Variants in STXBP2 observed in about 807,000 individuals in gnomAD.
STXBP2 encodes the protein syntaxin-binding protein 2.
In STXBP2, 47 loss-of-function variants were observed where a neutral mutation model predicts 72.2. The ratio of observed to expected loss-of-function variants is 0.65; its 90% CI spans 0.51 to 0.83. The LOEUF (loss-of-function observed/expected upper bound fraction) is 0.83. STXBP2 is among the 40% of genes least tolerant of loss of function. The pLI is 0.00. For synonymous variants in STXBP2, 367 were observed against 338.7 expected (o/e 1.08, Z -0.92); for missense variants, 702 against 807.6 (o/e 0.87, Z 1.58).
At chr19:7,633,434 CG>C (rs752842828), upstream of STXBP2, 22 of 1,576,230 alleles carry the variant, frequency 1.4e-5, no homozygotes. Context: ...AGCCTTCCTC[CG>C]TCTTCTCCTC....
At position 7,646,237 on chromosome 19, in the gene STXBP2, C is replaced by T. The variant is rs761759282; in HGVS notation, c.1357-12C>T. 1.9e-6 allele frequency: 3 copies of T among 1,592,226 alleles called. No individual in the cohort carries two copies. Among genetic ancestry groups the T allele is most frequent in the Non-Finnish European group, 2.6e-6 (3 of 1,170,344 alleles). ...CTCAATCCCCCTGCTGCCCTCCCTG[C>T]CCTGCCTGTAGGGCTCGGGGACCTC... On this transcript the variant is annotated splice_polypyrimidine_tract_variant and intron_variant, in intron 15 of 18. Transcript: ENST00000221283.
chr19:7,640,298 C>G (rs1027041456), intron 4 of STXBP2: 9 of 526,316 alleles, frequency 1.7e-5, no homozygotes, highest in Non-Finnish European at 3.2e-5. Context: ...GTGCATGTGT[C>G]TATGTATGTG....
At chr19:7,630,626 C>G in the STXBP2 span, 1 of 1,537,094 alleles carries the variant, frequency 6.5e-7, no homozygotes, top group Non-Finnish European at 8.7e-7. Context: ...CCAATCAGGC[C>G]GAGTGGTTTG....
Position 7,640,335 on chromosome 19 carries a change from CGT to C in STXBP2, c.247-389_247-388del, listed in dbSNP as rs777558655. On this transcript the variant is annotated intron_variant, in intron 4 of 18. Coordinates refer to ENST00000221283, the MANE Select transcript of STXBP2 (RefSeq NM_006949.4). ...GTGCATCTGTGTGTGCGTGTGTATG[CGT>C]GTGTGTATGCGTCTGTGCATGTGTG... 180 of 457,578 alleles carry C rather than the reference CGT, an allele frequency of 3.9e-4. 1 individual carries two copies. Among genetic ancestry groups the C allele is most frequent in the African/African-American group, 2.4e-3 (73 of 29,860 alleles). 28.3% of individuals were successfully genotyped at this position (457,578 alleles called of 1,614,324 possible).
chr19:7,646,092 T>G (rs2032124705), intron 15 of STXBP2, 157 bp from the exon 16 acceptor site: 3 of 639,580 alleles, frequency 4.7e-6, no homozygotes, highest in African/African-American at 1.8e-5. Context: ...TTTCTCTCTC[T>G]CGCTTTCTTG....
At position 7,642,336 on chromosome 19, in the gene STXBP2, C is replaced by G. The variant is rs2146218160; in HGVS notation, c.794+3C>G. The G allele has an allele frequency of 1.2e-6, 2 of 1,613,914 alleles. No individual in the cohort carries two copies. Among genetic ancestry groups the G allele is most frequent in the Non-Finnish European group, 1.7e-6 (2 of 1,179,798 alleles). On this transcript the variant is annotated splice_donor_region_variant and intron_variant, in intron 9 of 18. Coordinates refer to ENST00000221283, the MANE Select transcript of STXBP2 (RefSeq NM_006949.4). This position sits in a 1 kb window ranked among gnomAD's most constrained non-coding sequence, Gnocchi z 6.0. ...GACATAGAGCAGGACACATACAGGT[C>G]TGCAGACTTGGAACCCGTCCCCACC... is the stretch of plus-strand genomic sequence containing the variant.
rs368824770 is a variant in STXBP2, at chr19:7,640,908, G to A, written c.334G>A (p.Glu112Lys). Residue 112 changes from glutamate (E) to lysine (K), a missense_variant, in exon 6 of 19, where the codon GAG (glutamate) becomes AAG (lysine). Glu to Lys is a moderately conservative substitution (Grantham distance 56). Coordinates refer to ENST00000221283, the MANE Select transcript of STXBP2 (RefSeq NM_006949.4). Reference protein sequence around the residue: ...AHIFFTDTCPEPLFSELGRSR... With the variant: ...AHIFFTDTCPKPLFSELGRSR... ...CTCCTGCCTCACCCCAGCCTGCCCC[G>A]AGCCCCTGTTCAGTGAGCTAGGCCG... 32 of 1,614,068 alleles carry A rather than the reference G, an allele frequency of 2.0e-5. No individual in the cohort carries two copies. The highest frequency in any genetic ancestry group is 1.1e-4 in the African/African-American group (8 of 74,926).
At chr19:7,645,661 T>C (rs2146229556) in intron 15 of STXBP2, among the ~76,000 whole-genome samples, 1 of 151,490 alleles carries the variant, frequency 6.6e-6, no homozygotes, top group Middle Eastern at 3.4e-3. Context: ...TCTCTGAGGG[T>C]CCCCCGCACC....
At chr19:7,639,701 C>T (rs1485267714) in intron 3 of STXBP2, 30 bp from the exon 4 acceptor site, 15 of 1,609,568 alleles carry the variant, frequency 9.3e-6, no homozygotes, top group Non-Finnish European at 1.2e-5. Flanking sequence ...GGATGCCACC[C>T]ACCTGTGTCC....
At chr19:7,635,170 G>A (rs773579270), upstream of STXBP2, among the ~76,000 whole-genome samples, 33 of 152,206 alleles carry the variant, frequency 2.2e-4, no homozygotes, top group Non-Finnish European at 4.6e-4. Context: ...AGGCTGAGAA[G>A]CTGGAGGCGG....
At chr19:7,630,784 G>C in the STXBP2 span, 1 of 1,537,250 alleles carries the variant, frequency 6.5e-7, no homozygotes, top group Non-Finnish European at 8.7e-7. Context: ...GGCTCTGGAG[G>C]CCTTTGGCTC....
chr19:7,638,737 G>A lies in STXBP2; in HGVS notation c.49G>A (p.Gly17Arg), dbSNP rs146165014. The A allele has an allele frequency of 4.5e-4, 720 of 1,614,150 alleles. 1 individual carries two copies. In the African/African-American group the frequency reaches 8.7e-3, roughly 19 times the overall value. Reference sequence around the variant, plus strand: ...TCCCTTCCCTGCAGAAATTCTGAGCGGAGTTATTCGGAGTGTCAAGAAGGA... The same window carrying A: ...TCCCTTCCCTGCAGAAATTCTGAGCAGAGTTATTCGGAGTGTCAAGAAGGA... ...KAVVGEKILSGVIRSVKKDGE... is the reference protein window; with the variant it reads ...KAVVGEKILSRVIRSVKKDGE... The change falls in exon 2 of 19, where the codon GGA (glycine) becomes AGA (arginine). Residue 17 changes from glycine (G) to arginine (R), a missense_variant. Coordinates refer to ENST00000221283, the MANE Select transcript of STXBP2 (RefSeq NM_006949.4).
intron 3 of STXBP2, chr19:7,639,487 G>A: frequency 1.7e-6 from 1 of 593,086 alleles, no homozygotes; most frequent in South Asian, 1.9e-5. Flanking sequence ...AGGTGCTGAG[G>A]GAGCCTGTCC....
intron 1 of STXBP2, 117 bp from the exon 2 acceptor site, chr19:7,638,604 TAAAAA>T (rs144737616): frequency 1.1e-5 from 10 of 937,032 alleles, no homozygotes; most frequent in Admixed American, 2.4e-5. Context: ...CCTCCTCTCT[TAAAAA>T]AAAAAAAAAA....
At chr19:7,633,054 C>G (rs1190544950), upstream of STXBP2, 1 of 1,390,162 alleles carries the variant, frequency 7.2e-7, no homozygotes, top group Non-Finnish European at 9.4e-7. Context: ...AGCAGTGCCA[C>G]TTCACGTGGT....
chr19:7,645,975 T>TCTCACTGCTTCTTATCTCTTTGC (rs1268179554), intron 15 of STXBP2: 1 of 556,550 alleles, frequency 1.8e-6, no homozygotes, highest in Non-Finnish European at 3.2e-6. Context: ...TCATACTTTG[T>TCTCACTGCTTCTTATCTCTTTGC]CTCACTGCTT....
chr19:7,646,041 C>T (rs755747348), intron 15 of STXBP2: 2 of 598,328 alleles, frequency 3.3e-6, no homozygotes, highest in African/African-American at 3.7e-5. Flanking sequence ...CTCGCTCTCT[C>T]TCCCTTTGGC....
At chr19:7,636,076 C>G (rs533162790), upstream of STXBP2, among the ~76,000 whole-genome samples, 3 of 152,184 alleles carry the variant, frequency 2.0e-5, no homozygotes, top group African/African-American at 7.2e-5. Flanking sequence ...CCCCTACCTT[C>G]TGTGGCACTT....
rs2032082226 is a variant in STXBP2, at chr19:7,645,164, G to GCCGCCTCCACCCTGCCCATTCCCGTCCC, written c.1247-30_1247-3dup. ...CCTAAACCTGGGAGCTCACCTGGCC[G>GCCGCCTCCACCCTGCCCATTCCCGTCCC]CCGCCTCCACCCTGCCCATTCCCGT... On this transcript the variant is annotated intron_variant, in intron 14 of 18. Transcript: ENST00000221283. 4 of 1,548,142 alleles carry GCCGCCTCCACCCTGCCCATTCCCGTCCC rather than the reference G, an allele frequency of 2.6e-6. No homozygotes were observed. The highest frequency in any genetic ancestry group is 3.5e-6 in the Non-Finnish European group (4 of 1,143,784).
Sources: gnomAD v4.1 joint callset for allele counts (sites outside exome capture counted in the v4.1 genomes callset) on GRCh38, gnomAD v4.1.1 for gene constraint, Gnocchi (gnomAD v3.1) non-coding constraint, MANE v1.5 for transcripts, NCBI Gene and HGNC (gene_info 2026-07-23, HGNC 2026-07-21) for gene names.